Variants in TRAF3 observed in about 807,000 individuals in gnomAD.
The protein encoded by TRAF3 is TNF receptor-associated factor 3.
In TRAF3, 13 loss-of-function variants were observed where a neutral mutation model predicts 62.3. That is an observed-to-expected ratio of 0.21 (90% CI 0.14 to 0.33). The LOEUF (loss-of-function observed/expected upper bound fraction) is 0.33, where lower values mean the gene tolerates loss of function less well. Among genes scored for constraint, TRAF3 ranks in the 10% least tolerant of loss-of-function variants. The pLI is 1.00. For synonymous variants in TRAF3, 269 were observed against 283.4 expected (o/e 0.95, Z 0.51); for missense variants, 440 against 741.8 (o/e 0.59, Z 4.73).
chr14:102,778,828 G>A (rs776524785), intron 1 of TRAF3, among the ~76,000 whole-genome samples: 1 of 152,132 alleles, frequency 6.6e-6, no homozygotes, highest in Non-Finnish European at 1.5e-5. Context: ...ATGGCCAAGT[G>A]GACCATCAGT....
At chr14:102,832,029 G>A (rs1900721804) in intron 2 of TRAF3, among the ~76,000 whole-genome samples, 1 of 152,102 alleles carries the variant, frequency 6.6e-6, no homozygotes, top group African/African-American at 2.4e-5. Flanking sequence ...TGGTACTGAG[G>A]TTTAATTTTG....
intron 1 of TRAF3, among the ~76,000 whole-genome samples, chr14:102,809,573 CCCAGG>C: frequency 7.0e-6 from 1 of 143,002 alleles, no homozygotes; most frequent in South Asian, 2.2e-4. Context: ...TGCTCTGTTG[CCCAGG>C]CTGGAGTTCA....
At chr14:102,813,771 GA>G (rs979654929) in intron 1 of TRAF3, among the ~76,000 whole-genome samples, 5 of 151,784 alleles carry the variant, frequency 3.3e-5, no homozygotes, top group African/African-American at 1.2e-4. Context: ...TTTTTAATTG[GA>G]TTTTTTTTTT....
At chr14:102,813,570 C>A (rs761961690) in intron 1 of TRAF3, among the ~76,000 whole-genome samples, 4 of 151,870 alleles carry the variant, frequency 2.6e-5, no homozygotes, top group African/African-American at 9.7e-5. Flanking sequence ...CCTGCCTCAA[C>A]CTCTTGAGTA....
intron 1 of TRAF3, among the ~76,000 whole-genome samples, chr14:102,821,755 G>T (rs1208529788): frequency 6.6e-6 from 1 of 152,146 alleles, no homozygotes; most frequent in African/African-American, 2.4e-5. Flanking sequence ...AATACTCAGG[G>T]TTTTGTGGCC....
chr14:102,829,351 C>T (rs1203717984), intron 1 of TRAF3, among the ~76,000 whole-genome samples: 2 of 152,198 alleles, frequency 1.3e-5, no homozygotes, highest in Non-Finnish European at 2.9e-5. Context: ...CACATCCTTT[C>T]TCTTTGTTTA....
At chr14:102,786,911 T>C (rs879769744) in intron 1 of TRAF3, among the ~76,000 whole-genome samples, 2 of 152,152 alleles carry the variant, frequency 1.3e-5, no homozygotes, top group South Asian at 2.1e-4. Context: ...GGAGGAGTGC[T>C]TGAGCCCAGG....
intron 1 of TRAF3, among the ~76,000 whole-genome samples, chr14:102,802,914 G>A (rs187717583): frequency 3.3e-5 from 5 of 152,258 alleles, no homozygotes; most frequent in Admixed American, 3.3e-4. Flanking sequence ...GGCTGGGGAG[G>A]CCTCAGGAAA....
intron 2 of TRAF3, among the ~76,000 whole-genome samples, chr14:102,857,545 G>A (rs1887443167): frequency 6.6e-6 from 1 of 152,214 alleles, no homozygotes; most frequent in African/African-American, 2.4e-5. Context: ...CCATGGGTTT[G>A]TACCCTCAAA....
chr14:102,781,216 G>A (rs932948214), intron 1 of TRAF3, among the ~76,000 whole-genome samples: 4 of 152,190 alleles, frequency 2.6e-5, no homozygotes, highest in African/African-American at 7.2e-5. Flanking sequence ...GGGATCTGAC[G>A]GCTTGCCATC....
chr14:102,851,954 C>T (rs530741890), intron 2 of TRAF3, among the ~76,000 whole-genome samples: 15 of 151,998 alleles, frequency 9.9e-5, no homozygotes, highest in African/African-American at 3.1e-4. Context: ...GGTTGGGAGG[C>T]TGAGGCAGGA....
At chr14:102,809,517 T>C (rs1040843016) in intron 1 of TRAF3, among the ~76,000 whole-genome samples, 1 of 151,008 alleles carries the variant, frequency 6.6e-6, no homozygotes, top group Non-Finnish European at 1.5e-5. Flanking sequence ...ATAAAATCTT[T>C]CACAGCATAG....
rs1327021728 is a variant in TRAF3 at position 102,911,150 on chromosome 14, T to A, written c.*5366T>A. ...AAAAGTTGCGTCTGTAGTAGCCGCT[T>A]GCTGTGAAGACACATCTTGACAGTC... On this transcript the variant is annotated 3_prime_UTR_variant, in exon 12 of 12. Transcript: ENST00000392745. 6.6e-6 allele frequency: 1 copy of A among 152,228 alleles called. No homozygotes were observed. Among genetic ancestry groups the A allele is most frequent in the Non-Finnish European group, 1.5e-5 (1 of 68,032 alleles). The allele number at this position is 152,228 out of a possible 1,614,324, so 9.4% of individuals were successfully genotyped here. A position where few individuals can be genotyped will look rare whatever the true frequency, so the allele number is the denominator to read the frequency against.
intron 2 of TRAF3, among the ~76,000 whole-genome samples, chr14:102,841,874 A>C (rs1189850198): frequency 1.3e-5 from 2 of 152,190 alleles, no homozygotes; most frequent in Non-Finnish European, 2.9e-5. Context: ...GTAGAGAAAA[A>C]CATAAGCATA....
Position 102,826,192 on chromosome 14 carries a change from GC to G in TRAF3, c.-156-4141del, listed in dbSNP as rs2139604631. On this transcript the variant is annotated intron_variant, in intron 1 of 11. Transcript: ENST00000392745. The surrounding 1 kb of genome is among the most constrained non-coding windows in gnomAD (Gnocchi z 4.6). ...GGAGGTTAGGATGTGGCTGGAGGAG[GC>G]TGGTTCCTGGGTGTAAATCCTGGCT... 6.6e-6 allele frequency among the ~76,000 whole-genome samples: 1 copy of G among 152,248 alleles called. No individual in the cohort carries two copies. Among genetic ancestry groups the G allele is most frequent in the African/African-American group, 2.4e-5 (1 of 41,526 alleles).
At chr14:102,850,688 T>TTAAAA (rs1555371773) in intron 2 of TRAF3, among the ~76,000 whole-genome samples, 2 of 87,518 alleles carry the variant, frequency 2.3e-5, no homozygotes, top group Non-Finnish European at 4.3e-5. Flanking sequence ...AGACTCCGTC[T>TTAAAA]AAAAAAAAAA....
intron 2 of TRAF3, among the ~76,000 whole-genome samples, chr14:102,842,137 G>A (rs1158276754): frequency 2.0e-5 from 3 of 151,622 alleles, no homozygotes; most frequent in Admixed American, 6.6e-5. Context: ...CCAGCTACTC[G>A]GGAGACTGAG....
chr14:102,885,199 G>A (rs1011871667), intron 6 of TRAF3, among the ~76,000 whole-genome samples: 4 of 152,158 alleles, frequency 2.6e-5, no homozygotes, highest in Non-Finnish European at 4.4e-5. Flanking sequence ...TTCCGAGGAC[G>A]AGCTTCCCTC....
chr14:102,844,876 TA>T (rs536467868), intron 2 of TRAF3, among the ~76,000 whole-genome samples: 1,850 of 137,266 alleles, frequency 0.013, 22 homozygotes, highest in African/African-American at 0.033. Flanking sequence ...CTCCCACCTC[TA>T]AAAAAAAAAA....
Sources: gnomAD v4.1 joint callset for allele counts (sites outside exome capture counted in the v4.1 genomes callset) on GRCh38, gnomAD v4.1.1 for gene constraint, Gnocchi (gnomAD v3.1) non-coding constraint, MANE v1.5 for transcripts, NCBI Gene and HGNC (gene_info 2026-07-23, HGNC 2026-07-21) for gene names.